PRELID2: variants seen among roughly 807,000 people sequenced by gnomAD.
The protein encoded by PRELID2 is PRELI domain containing 2.
In PRELID2, 25 loss-of-function variants were observed where a neutral mutation model predicts 28.4. That is an observed-to-expected ratio of 0.88 (90% CI 0.64 to 1.23). PRELID2 has a LOEUF of 1.23. PRELID2 is among the 50% of genes most tolerant of loss of function. The pLI is 0.00. For synonymous variants in PRELID2, 76 were observed against 71.6 expected (o/e 1.06, Z -0.31); for missense variants, 201 against 214.4 (o/e 0.94, Z 0.39).
At chr5:145,423,236 G>T in the PRELID2 span, among the ~76,000 whole-genome samples, 1 of 150,024 alleles carries the variant, frequency 6.7e-6, no homozygotes, top group Admixed American at 6.7e-5. Flanking sequence ...TTCTCGAGGA[G>T]TATCTTTGTG....
chr5:145,584,955 A>G (rs1753140035), intron 1 of PRELID2, among the ~76,000 whole-genome samples: 3 of 152,348 alleles, frequency 2.0e-5, no homozygotes. Flanking sequence ...AAAGTAATAT[A>G]AATCATTCTA....
At chr5:145,549,686 T>G (rs1752817238) in intron 1 of PRELID2, among the ~76,000 whole-genome samples, 1 of 151,854 alleles carries the variant, frequency 6.6e-6, no homozygotes, top group Non-Finnish European at 1.5e-5. Flanking sequence ...CCCCAGCTAC[T>G]CGGGAGGCTG....
intron 1 of PRELID2, among the ~76,000 whole-genome samples, chr5:145,680,605 T>G (rs190138382): frequency 6.6e-6 from 1 of 152,278 alleles, no homozygotes; most frequent in African/African-American, 2.4e-5. Context: ...TAGACAGAGA[T>G]GCAAAAACAA....
At chr5:145,415,189 A>G in the PRELID2 span, among the ~76,000 whole-genome samples, 4 of 152,096 alleles carry the variant, frequency 2.6e-5, no homozygotes, top group South Asian at 2.1e-4. Flanking sequence ...CTCATAACAC[A>G]CAACTAAATG....
chr5:145,776,852 T>C (rs762071985), intron 5 of PRELID2, among the ~76,000 whole-genome samples: 2 of 152,266 alleles, frequency 1.3e-5, no homozygotes, highest in Non-Finnish European at 2.9e-5. Context: ...TCCCTGCATG[T>C]ATTATTATCT....
At chr5:145,370,004 G>A in the PRELID2 span, among the ~76,000 whole-genome samples, 2 of 149,776 alleles carry the variant, frequency 1.3e-5, no homozygotes, top group Non-Finnish European at 3.0e-5. Context: ...ATCTTTTCTT[G>A]TAAATTCTGG....
the PRELID2 span, among the ~76,000 whole-genome samples, chr5:145,258,414 ACAGTTATGTTCAGG>A: frequency 6.6e-6 from 1 of 152,166 alleles, no homozygotes; most frequent in Admixed American, 6.5e-5. Flanking sequence ...AGTGATATGG[ACAGTTATGTTCAGG>A]CAGAGGAGGT....
the PRELID2 span, among the ~76,000 whole-genome samples, chr5:145,373,187 G>T: frequency 2.9e-5 from 1 of 34,258 alleles, no homozygotes; most frequent in African/African-American, 1.3e-4. Flanking sequence ...TAATATATAT[G>T]ATATATATTA....
At chr5:145,681,929 T>C (rs1263820375) in intron 1 of PRELID2, among the ~76,000 whole-genome samples, 1 of 152,242 alleles carries the variant, frequency 6.6e-6, no homozygotes, top group African/African-American at 2.4e-5. Context: ...AAGTGCCTGA[T>C]GCTACATTCA....
At chr5:145,750,259 C>T (rs1389390064) in intron 1 of PRELID2, among the ~76,000 whole-genome samples, 1 of 151,854 alleles carries the variant, frequency 6.6e-6, no homozygotes, top group Non-Finnish European at 1.5e-5. Flanking sequence ...GTGCCAGGAA[C>T]TGCTCCAATT....
chr5:145,454,742 C>T, the PRELID2 span, among the ~76,000 whole-genome samples: 2 of 152,110 alleles, frequency 1.3e-5, no homozygotes, highest in Non-Finnish European at 2.9e-5. Context: ...TGATTATGAG[C>T]TTTTTTTCAT....
At chr5:145,240,506 T>C in the PRELID2 span, among the ~76,000 whole-genome samples, 2 of 152,164 alleles carry the variant, frequency 1.3e-5, no homozygotes, top group South Asian at 2.1e-4. Flanking sequence ...TCCTCATCTT[T>C]AGTAGTTACA....
chr5:145,822,427 G>A (rs1754894690), intron 2 of PRELID2, among the ~76,000 whole-genome samples: 1 of 152,160 alleles, frequency 6.6e-6, no homozygotes, highest in Non-Finnish European at 1.5e-5. Flanking sequence ...AGCAGTCGTA[G>A]ATGACATGTA....
chr5:145,699,642 G>T (rs574593478), intron 1 of PRELID2, among the ~76,000 whole-genome samples: 20 of 152,240 alleles, frequency 1.3e-4, no homozygotes, highest in Admixed American at 9.2e-4. Flanking sequence ...ATTTTTAAAA[G>T]AAACTGATTT....
chr5:145,428,215 TC>T, the PRELID2 span, among the ~76,000 whole-genome samples: 1 of 152,086 alleles, frequency 6.6e-6, no homozygotes, highest in African/African-American at 2.4e-5. Context: ...CATCTCAGCC[TC>T]CCAAAGTGCT....
chr5:145,662,419 G>C (rs1057022690), intron 1 of PRELID2, among the ~76,000 whole-genome samples: 11 of 152,094 alleles, frequency 7.2e-5, no homozygotes, highest in African/African-American at 2.4e-4. Flanking sequence ...CTCCTGTTCA[G>C]TACTTGCTGG....
intron 1 of PRELID2, among the ~76,000 whole-genome samples, chr5:145,586,585 C>T (rs763775956): frequency 6.6e-6 from 1 of 152,074 alleles, no homozygotes; most frequent in African/African-American, 2.4e-5. Flanking sequence ...AATCACATAC[C>T]AGCTCATTTT....
intron 1 of PRELID2, among the ~76,000 whole-genome samples, chr5:145,736,082 C>T (rs1756488651): frequency 6.6e-6 from 1 of 152,152 alleles, no homozygotes; most frequent in African/African-American, 2.4e-5. Flanking sequence ...AACAAGATGA[C>T]AAATTAAAGT....
the PRELID2 span, among the ~76,000 whole-genome samples, chr5:145,365,687 T>C: frequency 1.1e-4 from 16 of 152,030 alleles, no homozygotes; most frequent in African/African-American, 3.6e-4. Context: ...AGACAGATCA[T>C]GGTCTATAAA....
Sources: allele counts gnomAD v4.1 joint callset (sites outside exome capture counted in the v4.1 genomes callset), GRCh38; gene constraint gnomAD v4.1.1; transcripts MANE v1.5; gene names NCBI Gene and HGNC (gene_info 2026-07-23, HGNC 2026-07-21).